The following NCKAP5 variants were observed in gnomAD, a reference collection of about 807,000 sequenced individuals.
NCKAP5 encodes the protein NCK associated protein 5.
A neutral mutation model predicts 167.0 loss-of-function variants in NCKAP5; 92 were observed. The ratio of observed to expected loss-of-function variants is 0.55; its 90% CI spans 0.47 to 0.66. The LOEUF (loss-of-function observed/expected upper bound fraction) is 0.66, where lower values mean the gene tolerates loss of function less well. Among genes scored for constraint, NCKAP5 ranks in the 30% least tolerant of loss-of-function variants. The pLI is 0.00. For synonymous variants in NCKAP5, 891 were observed against 877.4 expected (o/e 1.02, Z -0.27); for missense variants, 2,378 against 2,315.0 (o/e 1.03, Z -0.56).
intron 4 of NCKAP5, among the ~76,000 whole-genome samples, chr2:133,223,429 A>G (rs2086741398): frequency 6.6e-6 from 1 of 152,126 alleles, no homozygotes; most frequent in South Asian, 2.1e-4. Flanking sequence ...CGCAGAGGCC[A>G]TGACAATGTC....
At chr2:133,276,429 T>G (rs2089733790) in intron 4 of NCKAP5, among the ~76,000 whole-genome samples, 1 of 151,956 alleles carries the variant, frequency 6.6e-6, no homozygotes, top group African/African-American at 2.4e-5. Context: ...GAAACAAAAA[T>G]TAAGAGGCAA....
chr2:133,099,931 A>G (rs2081454376), intron 6 of NCKAP5, among the ~76,000 whole-genome samples: 1 of 152,198 alleles, frequency 6.6e-6, no homozygotes, highest in African/African-American at 2.4e-5. Context: ...CAAAGTCAGA[A>G]TGTCTGTGAC....
intron 7 of NCKAP5, among the ~76,000 whole-genome samples, chr2:132,993,158 C>T (rs1478895907): frequency 1.3e-5 from 2 of 152,150 alleles, no homozygotes; most frequent in African/African-American, 4.8e-5. Flanking sequence ...CAGCAAAAAC[C>T]TAGGGCTGCC....
intron 19 of NCKAP5, among the ~76,000 whole-genome samples, chr2:132,714,331 C>T (rs1413897490): frequency 6.6e-6 from 1 of 152,208 alleles, no homozygotes; most frequent in Non-Finnish European, 1.5e-5. Context: ...CCTCAACCTT[C>T]AATTCCAGAA....
the NCKAP5 span, among the ~76,000 whole-genome samples, chr2:133,626,614 T>C: frequency 6.6e-6 from 1 of 152,108 alleles, no homozygotes; most frequent in Non-Finnish European, 1.5e-5. Flanking sequence ...TAAAGAATTA[T>C]TAATTTTTAG....
intron 3 of NCKAP5, among the ~76,000 whole-genome samples, chr2:133,383,461 TC>T (rs1472377289): frequency 2.6e-5 from 4 of 152,236 alleles, no homozygotes; most frequent in African/African-American, 9.6e-5. Flanking sequence ...ATCCAGTCTA[TC>T]ATTGTTGGAC....
the NCKAP5 span, among the ~76,000 whole-genome samples, chr2:133,674,444 A>G: frequency 6.6e-6 from 1 of 152,162 alleles, no homozygotes; most frequent in South Asian, 2.1e-4. Flanking sequence ...AAAATGTACC[A>G]TCCTGAATTC....
chr2:133,432,945 C>T (rs1341590880), intron 3 of NCKAP5, among the ~76,000 whole-genome samples: 2 of 152,134 alleles, frequency 1.3e-5, no homozygotes, highest in Non-Finnish European at 2.9e-5. Flanking sequence ...TTTGTGATCT[C>T]TCCATATGTT....
At chr2:132,757,837 A>G (rs905320660) in intron 16 of NCKAP5, among the ~76,000 whole-genome samples, 3 of 152,244 alleles carry the variant, frequency 2.0e-5, no homozygotes, top group African/African-American at 7.2e-5. Flanking sequence ...TGGAACCAAT[A>G]TAGCTGACTA....
intron 4 of NCKAP5, among the ~76,000 whole-genome samples, chr2:133,249,123 C>T (rs1411152313): frequency 6.6e-6 from 1 of 151,872 alleles, no homozygotes; most frequent in Non-Finnish European, 1.5e-5. Context: ...CCCAATAGGT[C>T]TGCATTCTCA....
chr2:132,968,725 G>T (rs967202056), intron 7 of NCKAP5, among the ~76,000 whole-genome samples: 6 of 152,188 alleles, frequency 3.9e-5, no homozygotes, highest in Admixed American at 2.0e-4. Context: ...TACCCAAATT[G>T]TCAGTGGTTA....
At chr2:132,700,586 T>C (rs962469994) in intron 19 of NCKAP5, among the ~76,000 whole-genome samples, 5 of 152,216 alleles carry the variant, frequency 3.3e-5, no homozygotes, top group Admixed American at 1.3e-4. Context: ...TCGGGAATCC[T>C]TTCCCCATTT....
chr2:133,542,031 ATGGTACATC>A lies in NCKAP5; in HGVS notation c.-62+17010_-62+17018del, dbSNP rs1686267971. Among the ~76,000 whole-genome samples the A allele has an allele frequency of 2.0e-5, 3 of 152,190 alleles. No individual in the cohort carries two copies. The South Asian group carries it at 6.2e-4, about 32-fold the overall frequency. On this transcript the variant is annotated intron_variant, in intron 2 of 19. Transcript: ENST00000409261. ...TCACTTCAGGACTGAATTCTCTCAC[ATGGTACATC>A]TGGTTGGTGGAGCTGAGATCATATG...
chr2:133,120,290 T>C (rs1211535086), intron 6 of NCKAP5, among the ~76,000 whole-genome samples: 1 of 152,228 alleles, frequency 6.6e-6, no homozygotes, highest in Non-Finnish European at 1.5e-5. Context: ...TTGAGGCTGT[T>C]TGTTAGCAAC....
intron 6 of NCKAP5, among the ~76,000 whole-genome samples, chr2:133,085,089 G>T (rs1427840469): frequency 3.3e-5 from 5 of 152,168 alleles, no homozygotes; most frequent in African/African-American, 1.2e-4. Flanking sequence ...CAGTCAGGGT[G>T]GGGAGATGGG....
At chr2:133,613,770 T>G in the NCKAP5 span, among the ~76,000 whole-genome samples, 1 of 152,170 alleles carries the variant, frequency 6.6e-6, no homozygotes, top group Non-Finnish European at 1.5e-5. Flanking sequence ...CGTAGTCCCT[T>G]CACCAAAATG....
intron 5 of NCKAP5, among the ~76,000 whole-genome samples, chr2:133,147,907 T>C (rs1310084757): frequency 6.6e-6 from 1 of 152,116 alleles, no homozygotes; most frequent in Non-Finnish European, 1.5e-5. Flanking sequence ...ACCTTCTCTC[T>C]TGGAAGCATG....
chr2:132,869,737 C>A (rs1179269307), intron 9 of NCKAP5, among the ~76,000 whole-genome samples: 1 of 152,158 alleles, frequency 6.6e-6, no homozygotes, highest in Non-Finnish European at 1.5e-5. Context: ...CACCCTTCGT[C>A]TTCCTGACTA....
In NCKAP5 at chr2:132,783,213, C is replaced by T. The variant is rs1239096114; in HGVS notation, c.3598G>A (p.Glu1200Lys). 6.2e-7 allele frequency: 1 copy of T among 1,614,018 alleles called. No homozygotes were observed. The change falls in exon 14 of 20, where the codon GAG (glutamate) becomes AAG (lysine). Residue 1200 changes from glutamate (E) to lysine (K), a missense_variant. By Grantham distance (56) the Glu-to-Lys change is moderately conservative. Coordinates refer to ENST00000409261, the MANE Select transcript of NCKAP5 (RefSeq NM_207363.3). Reference protein sequence around the residue: ...PEDSKNPASMEITAGERNVTL... With the variant: ...PEDSKNPASMKITAGERNVTL... ...ACATTTCTTTCACCCGCTGTGATCT[C>T]CATGCTTGCTGGATTCTTGGAGTCC... is the stretch of plus-strand genomic sequence containing the variant.
Sources: gnomAD v4.1 joint callset for allele counts (sites outside exome capture counted in the v4.1 genomes callset) on GRCh38, gnomAD v4.1.1 for gene constraint, MANE v1.5 for transcripts, NCBI Gene and HGNC (gene_info 2026-07-23, HGNC 2026-07-21) for gene names.